Variants in MAP4K5 observed in about 807,000 individuals in gnomAD.
MAP4K5 encodes the protein MAPK/ERK kinase kinase kinase 5.
In MAP4K5, 82 loss-of-function variants were observed where a neutral mutation model predicts 135.6. The observed-to-expected ratio is 0.60, with a 90% CI of 0.51 to 0.73. The LOEUF (loss-of-function observed/expected upper bound fraction) is 0.73. MAP4K5 is among the 30% of genes least tolerant of loss of function. The probability of loss-of-function intolerance (pLI) is 0.00; values close to 1 mark genes in which losing one functional copy is unlikely to be tolerated. For synonymous variants in MAP4K5, 347 were observed against 335.0 expected (o/e 1.04, Z -0.39); for missense variants, 907 against 1,010.9 (o/e 0.90, Z 1.39).
intron 3 of MAP4K5, among the ~76,000 whole-genome samples, chr14:50,493,895 C>T (rs1012037004): frequency 4.6e-5 from 7 of 150,978 alleles, no homozygotes; most frequent in Non-Finnish European, 8.9e-5. Context: ...GGCTGAAGAA[C>T]GAGAATCACT....
At position 50,486,741 on chromosome 14, in the gene MAP4K5, G is replaced by T. The variant is rs1323541272; in HGVS notation, c.167-547C>A. On this transcript the variant is annotated intron_variant, in intron 3 of 32. Transcript: ENST00000682126. ...AGGTCAGGAGTTCAAGACCAGCCTG[G>T]CCAACATGGTGAGACCCCGTTTCTA... Among the ~76,000 whole-genome samples the T allele has an allele frequency of 5.9e-5, 9 of 152,194 alleles. No homozygotes were observed. In the South Asian group the frequency reaches 1.9e-3, roughly 32 times the overall value.
rs1228384851 is a variant in MAP4K5 at position 50,440,115 on chromosome 14, T to C, written c.1645-42A>G. 6 of 1,162,204 alleles carry C rather than the reference T, an allele frequency of 5.2e-6. No homozygotes were observed. The East Asian group carries it at 1.0e-4, about 20-fold the overall frequency. The allele number at this position is 1,162,204 out of a possible 1,614,324, so 72.0% of individuals were successfully genotyped here. ...AATTAAGATTCTCTCATTGTCATTA[T>C]TTTAATCTTTTAAATTCCAACATTC... On this transcript the variant is annotated intron_variant, in intron 22 of 32. Transcript: ENST00000682126.
chr14:50,442,840 T>C, intron 20 of MAP4K5, 24 bp from the exon 21 acceptor site: 2 of 1,382,582 alleles, frequency 1.4e-6, no homozygotes, highest in Non-Finnish European at 2.0e-6. Flanking sequence ...AAAGAAATGT[T>C]AACTTATTTG....
chr14:50,443,877 GC>G, intron 19 of MAP4K5, 61 bp downstream of exon 19: 1 of 1,459,394 alleles, frequency 6.9e-7, no homozygotes, highest in Non-Finnish European at 9.5e-7. Flanking sequence ...AACAGACTAT[GC>G]CCCTTGCATG....
At chr14:50,437,368 A>C (rs940554136) in intron 26 of MAP4K5, 108 bp downstream of exon 26, 16 of 853,038 alleles carry the variant, frequency 1.9e-5, no homozygotes, top group Middle Eastern at 3.2e-4. Context: ...CTAAACACAA[A>C]TTTTAAAAAC....
At chr14:50,485,947 TA>T in intron 4 of MAP4K5, 156 bp downstream of exon 4, 1 of 555,242 alleles carries the variant, frequency 1.8e-6, no homozygotes, top group Non-Finnish European at 3.2e-6. Context: ...TAATATGTAA[TA>T]GGGGAAAACC....
chr14:50,474,730 T>C (rs1286158651), intron 9 of MAP4K5, among the ~76,000 whole-genome samples: 1 of 152,112 alleles, frequency 6.6e-6, no homozygotes. Flanking sequence ...ACATGTACCC[T>C]GCAACTTAAA....
At chr14:50,468,204 C>T (rs77845332) in intron 10 of MAP4K5, among the ~76,000 whole-genome samples, 105 of 151,744 alleles carry the variant, frequency 6.9e-4, no homozygotes, top group African/African-American at 2.5e-3. Context: ...TATAATTCCA[C>T]ATAGGACAAA....
At chr14:50,548,644 G>A (rs918263795) in intron 1 of MAP4K5, among the ~76,000 whole-genome samples, 2 of 152,094 alleles carry the variant, frequency 1.3e-5, no homozygotes, top group African/African-American at 4.8e-5. Context: ...CCAGCAGCTG[G>A]GACTACAGGC....
At chr14:50,450,485 G>A (rs1229892524) in intron 14 of MAP4K5, 1 of 151,904 alleles carries the variant, frequency 6.6e-6, no homozygotes, top group Non-Finnish European at 1.5e-5. Context: ...AGAAAATGGA[G>A]CCCACAGAGA....
At chr14:50,549,449 T>G (rs2038674895) in intron 1 of MAP4K5, among the ~76,000 whole-genome samples, 1 of 151,924 alleles carries the variant, frequency 6.6e-6, no homozygotes. Context: ...CCATACAACC[T>G]CCACAGGACT....
intron 1 of MAP4K5, 137 bp downstream of exon 1, chr14:50,532,311 T>A (rs1464508166): frequency 4.8e-6 from 2 of 416,140 alleles, no homozygotes; most frequent in Non-Finnish European, 8.5e-6. Flanking sequence ...GTATCCCCGT[T>A]CGGTCTGCGG....
intron 8 of MAP4K5, among the ~76,000 whole-genome samples, 176 bp from the exon 9 acceptor site, chr14:50,475,325 T>A (rs765844979): frequency 1.3e-5 from 2 of 152,138 alleles, no homozygotes; most frequent in African/African-American, 4.8e-5. Context: ...ATTAAAAAAA[T>A]TTACTGGCAC....
At chr14:50,547,399 T>C (rs2038646967) in intron 1 of MAP4K5, among the ~76,000 whole-genome samples, 1 of 152,184 alleles carries the variant, frequency 6.6e-6, no homozygotes, top group African/African-American at 2.4e-5. Flanking sequence ...ATCTGTTATG[T>C]AGGGGAAGCA....
Position 50,486,173 on chromosome 14 carries a change from TG to T in MAP4K5, c.187del (p.Gln63AsnfsTer55). On this transcript the variant is annotated frameshift_variant, in exon 4 of 33. Transcript: ENST00000682126. LOFTEE classifies it high-confidence loss of function. The part of the protein sequence containing the change: ...LEPGDDFSLI[Q>X]QEIFMVKECK... ...TTCTTTAACCATAAATATTTCTTGT[TG>T]AATCAAAGAAAAATCATCTCCTGGA... 1.5e-6 allele frequency: 2 copies of T among 1,340,118 alleles called. No homozygotes were observed. The highest frequency in any genetic ancestry group is 2.1e-6 in the Non-Finnish European group (2 of 970,982). 83.0% of individuals were successfully genotyped at this position (1,340,118 alleles called of 1,614,324 possible). A position where few individuals can be genotyped will look rare whatever the true frequency, so the allele number is the denominator to read the frequency against.
chr14:50,530,436 A>AAAT (rs2038362119), intron 2 of MAP4K5, among the ~76,000 whole-genome samples: 1 of 152,218 alleles, frequency 6.6e-6, no homozygotes, highest in Non-Finnish European at 1.5e-5. Flanking sequence ...AAGAGAATAT[A>AAAT]TACAAGTAGA....
At chr14:50,433,642 A>G (rs1566636785) in intron 28 of MAP4K5, among the ~76,000 whole-genome samples, 1 of 152,220 alleles carries the variant, frequency 6.6e-6, no homozygotes, top group Non-Finnish European at 1.5e-5. Context: ...TTAAGCATCA[A>G]ACTTATAATA....
intron 15 of MAP4K5, among the ~76,000 whole-genome samples, chr14:50,447,882 G>A (rs1250735271): frequency 1.1e-5 from 1 of 90,270 alleles, no homozygotes; most frequent in Non-Finnish European, 2.4e-5. Context: ...CATGGAAACT[G>A]GGGTTTTATC....
chr14:50,509,956 TCA>T (rs1167236009), intron 2 of MAP4K5, among the ~76,000 whole-genome samples: 1 of 152,130 alleles, frequency 6.6e-6, no homozygotes, highest in African/African-American at 2.4e-5. Flanking sequence ...AAAAGTACAC[TCA>T]CAAATTGTGA....
Sources: allele counts gnomAD v4.1 joint callset (sites outside exome capture counted in the v4.1 genomes callset), GRCh38; gene constraint gnomAD v4.1.1; transcripts MANE v1.5; gene names NCBI Gene and HGNC (gene_info 2026-07-23, HGNC 2026-07-21).